CCDC38: variants seen among roughly 807,000 people sequenced by gnomAD.
CCDC38 encodes coiled-coil domain-containing protein 38.
Under a neutral mutation model 72.8 loss-of-function variants are expected in CCDC38, and 69 were observed. The ratio of observed to expected loss-of-function variants is 0.95; its 90% CI spans 0.78 to 1.16. The LOEUF (loss-of-function observed/expected upper bound fraction) is 1.16. CCDC38 is among the 50% of genes most tolerant of loss of function. CCDC38 has a pLI of 0.00. For missense variants in CCDC38, 626 were observed against 638.9 expected, an observed-to-expected ratio of 0.98 and a Z score of 0.22; for synonymous variants, 201 against 213.2, an observed-to-expected ratio of 0.94 and a Z score of 0.50.
Position 95,898,587 on chromosome 12 carries a change from A to G in CCDC38, c.514T>C (p.Ser172Pro), listed in dbSNP as rs2079917097. The stretch of plus-strand genomic sequence containing the variant: ...ACAAACATTTTCAGAGCGTCTACAG[A>G]TCTCTGGTCATTTTCTCGAAGGAAC... ...EEFLRENDQR[S>P]VDALKMAAQE... Residue 172 changes from serine to proline, a missense_variant, in exon 6 of 16, where the codon TCT becomes CCT. Transcript: ENST00000344280. 2 of 1,614,154 alleles carry G rather than the reference A, an allele frequency of 1.2e-6. No homozygotes were observed. Among genetic ancestry groups the G allele is most frequent in the East Asian group, 4.5e-5 (2 of 44,884 alleles).
chr12:95,914,232 G>A (rs1016381787), intron 4 of CCDC38, among the ~76,000 whole-genome samples: 2 of 152,226 alleles, frequency 1.3e-5, no homozygotes, highest in Non-Finnish European at 1.5e-5. Context: ...GCTGGGGCAC[G>A]AGAATTGCTT....
Position 95,919,864 on chromosome 12 carries a change from G to A in CCDC38, c.38-888C>T, listed in dbSNP as rs2080185422. On this transcript the variant is annotated intron_variant, in intron 2 of 15. Transcript: ENST00000344280. ...TGCTGGAGAGCATGTGGAGAAATTG[G>A]ACCCAAATTCACTCCTAGAAGGAAT... 2.6e-5 allele frequency among the ~76,000 whole-genome samples: 4 copies of A among 152,222 alleles called. No homozygotes were observed. In the South Asian group the frequency reaches 8.3e-4, roughly 32 times the overall value.
At chr12:95,931,831 G>C (rs2080341655) in intron 2 of CCDC38, among the ~76,000 whole-genome samples, 1 of 152,204 alleles carries the variant, frequency 6.6e-6, no homozygotes, top group South Asian at 2.1e-4. Context: ...ACAATTTTAA[G>C]TAGAGTGATC....
intron 2 of CCDC38, among the ~76,000 whole-genome samples, chr12:95,924,926 T>A (rs2080252218): frequency 7.2e-6 from 1 of 139,646 alleles, no homozygotes; most frequent in African/African-American, 2.7e-5. Context: ...AGTACCATGC[T>A]GTTTTGGTTA....
At position 95,881,521 on chromosome 12, in the gene CCDC38, C is replaced by T; in HGVS notation, c.954G>A (p.Leu318=). Residue 318 remains leucine (L), a synonymous_variant, in exon 11 of 16, where the codon TTG becomes TTA. Coordinates refer to ENST00000344280, the MANE Select transcript of CCDC38 (RefSeq NM_182496.3). Reference sequence around the variant, plus strand: ...CCATTTCATCATCTAAAAGGAATTCCAAACTGTCTTCTGAACCGAAACTTT... The same window carrying T: ...CCATTTCATCATCTAAAAGGAATTCTAAACTGTCTTCTGAACCGAAACTTT... ...LAESFGSEDS[L]EFLLDDEMDV... The T allele has an allele frequency of 1.2e-6, 2 of 1,608,850 alleles. No individual in the cohort carries two copies. The highest frequency in any genetic ancestry group is 8.5e-7 in the Non-Finnish European group (1 of 1,177,568).
At position 95,917,179 on chromosome 12, in the gene CCDC38, G is replaced by A. The variant is rs1375529406; in HGVS notation, c.254C>T (p.Ser85Leu). ...AGGACCTGGCCCAAACTTTTCAAATGACCTACCACTCCTTTTAGGGTAGAA... is the reference window on the plus strand; with the variant it reads ...AGGACCTGGCCCAAACTTTTCAAATAACCTACCACTCCTTTTAGGGTAGAA... ...LAFYPKRSGR[S>L]FEKFGPGPAP... Residue 85 changes from serine to leucine, a missense_variant, in exon 4 of 16, where the codon TCA becomes TTA. Transcript: ENST00000344280. 4 of 1,605,516 alleles carry A rather than the reference G, an allele frequency of 2.5e-6. No homozygotes were observed. The South Asian group carries it at 4.5e-5, about 18-fold the overall frequency.
In CCDC38 at chr12:95,890,977, A is replaced by G. The variant is rs566654117; in HGVS notation, c.773-47T>C. 106 of 1,008,502 alleles carry G rather than the reference A, an allele frequency of 1.1e-4. 2 individuals carry two copies. The highest frequency in any genetic ancestry group is 5.0e-4 in the South Asian group (36 of 71,968). 62.5% of individuals were successfully genotyped at this position (1,008,502 alleles called of 1,614,324 possible). On this transcript the variant is annotated intron_variant, in intron 8 of 15. Coordinates refer to ENST00000344280, the MANE Select transcript of CCDC38 (RefSeq NM_182496.3). ...GAGAGAGACAGAGAAAGATGGGGGG[A>G]AAAAAACACTGCTGAGAAAGAGAGC...
chr12:95,921,791 A>G (rs966434935), intron 2 of CCDC38, among the ~76,000 whole-genome samples: 1 of 151,712 alleles, frequency 6.6e-6, no homozygotes, highest in African/African-American at 2.4e-5. Context: ...ACATTCCCCA[A>G]CTCTTACCCC....
At chr12:95,923,544 A>AAAAC (rs2080232711) in intron 2 of CCDC38, among the ~76,000 whole-genome samples, 1 of 148,082 alleles carries the variant, frequency 6.8e-6, no homozygotes, top group African/African-American at 2.5e-5. Context: ...TTTTTTTTTT[A>AAAAC]ATTTATTATT....
At chr12:95,869,395 G>T in intron 15 of CCDC38, 85 bp downstream of exon 15, 1 of 987,976 alleles carries the variant, frequency 1.0e-6, no homozygotes, top group Non-Finnish European at 1.5e-6. Context: ...AGTTCAACCT[G>T]GATAAGTTAG....
At chr12:95,896,650 A>C (rs1439845345) in intron 7 of CCDC38, 1 of 152,236 alleles carries the variant, frequency 6.6e-6, no homozygotes, top group Non-Finnish European at 1.5e-5. Context: ...ACGAGGTGAC[A>C]ATTGGCTGGA....
At chr12:95,904,200 T>C (rs1417816389) in intron 5 of CCDC38, among the ~76,000 whole-genome samples, 1 of 152,212 alleles carries the variant, frequency 6.6e-6, no homozygotes, top group Non-Finnish European at 1.5e-5. Flanking sequence ...TCAATGTTAA[T>C]AATTTTTAAA....
At chr12:95,873,323 C>T (rs985093971) in intron 13 of CCDC38, among the ~76,000 whole-genome samples, 1 of 152,162 alleles carries the variant, frequency 6.6e-6, no homozygotes, top group Non-Finnish European at 1.5e-5. Flanking sequence ...TAAATGTTTG[C>T]TGAATAAATG....
chr12:95,902,730 T>C (rs1311014069), intron 5 of CCDC38, among the ~76,000 whole-genome samples: 2 of 152,192 alleles, frequency 1.3e-5, no homozygotes, highest in Non-Finnish European at 2.9e-5. Context: ...GGAATGGCTA[T>C]AAATAAGAAA....
chr12:95,890,531 G>C (rs2079812736), intron 9 of CCDC38, among the ~76,000 whole-genome samples: 2 of 152,268 alleles, frequency 1.3e-5, no homozygotes, highest in African/African-American at 4.8e-5. Context: ...ACGGCAGAAG[G>C]CAGGTCCGCG....
At chr12:95,909,591 CA>C (rs1387039216) in intron 4 of CCDC38, among the ~76,000 whole-genome samples, 2 of 151,992 alleles carry the variant, frequency 1.3e-5, no homozygotes, top group African/African-American at 4.8e-5. Flanking sequence ...CTGGCAAAGA[CA>C]CAACAAAAAA....
chr12:95,898,558 T>C lies in CCDC38; in HGVS notation c.533+10A>G. ...GGTGGGAAGGATTTGGCCAGAGTGA[T>C]GAAACAAACATTTTCAGAGCGTCTA... On this transcript the variant is annotated intron_variant, in intron 6 of 15. Coordinates refer to ENST00000344280, the MANE Select transcript of CCDC38 (RefSeq NM_182496.3). 1 of 1,614,032 alleles carries C rather than the reference T, an allele frequency of 6.2e-7. No individual in the cohort carries two copies. The highest frequency in any genetic ancestry group is 8.5e-7 in the Non-Finnish European group (1 of 1,179,958).
chr12:95,873,150 C>T (rs1336356592), intron 13 of CCDC38, among the ~76,000 whole-genome samples: 3 of 152,092 alleles, frequency 2.0e-5, no homozygotes. Flanking sequence ...TGTAACCCAG[C>T]CCCCCTCCTT....
chr12:95,898,395 C>A lies in CCDC38; in HGVS notation c.604G>T (p.Ala202Ser). ...TGTGCCCACCCTCACCTTTTCACTGCTTGTACCTCCATGCTTGCTTTCTTC... is the reference window on the plus strand; with the variant it reads ...TGTGCCCACCCTCACCTTTTCACTGATTGTACCTCCATGCTTGCTTTCTTC... ...ELKKASMEVQAVKSEIAKTEF... is the reference protein window; with the variant it reads ...ELKKASMEVQSVKSEIAKTEF... Residue 202 changes from alanine (A) to serine (S), a missense_variant, in exon 7 of 16, where the codon GCA becomes TCA. Ala to Ser is a moderately conservative substitution (Grantham distance 99, BLOSUM62 1). Transcript: ENST00000344280. The A allele has an allele frequency of 6.2e-7, 1 of 1,614,188 alleles. No individual in the cohort carries two copies. The highest frequency in any genetic ancestry group is 8.5e-7 in the Non-Finnish European group (1 of 1,180,026).
Sources: gnomAD v4.1 joint callset for allele counts (sites outside exome capture counted in the v4.1 genomes callset) on GRCh38, gnomAD v4.1.1 for gene constraint, MANE v1.5 for transcripts, NCBI Gene and HGNC (gene_info 2026-07-23, HGNC 2026-07-21) for gene names.